RSPO3: variants seen among roughly 807,000 people sequenced by gnomAD.
The protein encoded by RSPO3 is R-spondin-3.
A neutral mutation model predicts 36.5 loss-of-function variants in RSPO3; 17 were observed. The observed-to-expected ratio is 0.47, with a 90% CI of 0.32 to 0.70. The LOEUF is 0.70. RSPO3 is among the 30% of genes least tolerant of loss of function. RSPO3 has a pLI of 0.04. For missense variants in RSPO3, 294 were observed against 322.5 expected, an observed-to-expected ratio of 0.91 and a Z score of 0.68; for synonymous variants, 108 against 107.0, an observed-to-expected ratio of 1.01 and a Z score of -0.06.
At chr6:127,138,156 C>T (rs1253661894) in intron 1 of RSPO3, among the ~76,000 whole-genome samples, 1 of 151,972 alleles carries the variant, frequency 6.6e-6, no homozygotes, top group Non-Finnish European at 1.5e-5. Flanking sequence ...ACAAGTAATC[C>T]AGGCCATTTT....
intron 4 of RSPO3, among the ~76,000 whole-genome samples, chr6:127,182,079 A>T (rs1775200050): frequency 6.6e-6 from 1 of 151,766 alleles, no homozygotes; most frequent in African/African-American, 2.4e-5. Context: ...AGAGTGTGTG[A>T]GAGAATGGAG....
chr6:127,150,715 C>T (rs899348764), intron 3 of RSPO3, 143 bp downstream of exon 3: 2 of 706,540 alleles, frequency 2.8e-6, no homozygotes, highest in Non-Finnish European at 2.2e-6. Context: ...TACAAAGATA[C>T]TCTCTTAAAG....
At chr6:127,144,969 CAT>C (rs1447710455) in intron 1 of RSPO3, among the ~76,000 whole-genome samples, 1 of 152,058 alleles carries the variant, frequency 6.6e-6, no homozygotes, top group Non-Finnish European at 1.5e-5. Flanking sequence ...ATCAGAGACT[CAT>C]GTGTGCATCT....
At chr6:127,122,073 T>C (rs1338501235) in intron 1 of RSPO3, among the ~76,000 whole-genome samples, 1 of 152,240 alleles carries the variant, frequency 6.6e-6, no homozygotes, top group East Asian at 1.9e-4. Context: ...GTGTTAAATA[T>C]TGTCATGTCC....
chr6:127,142,449 T>A (rs1366583400), intron 1 of RSPO3, among the ~76,000 whole-genome samples: 5 of 152,172 alleles, frequency 3.3e-5, no homozygotes, highest in Non-Finnish European at 7.3e-5. Flanking sequence ...TCGGGAAACA[T>A]CTCTTAATTT....
At chr6:127,143,461 T>C (rs1460319132) in intron 1 of RSPO3, among the ~76,000 whole-genome samples, 1 of 152,228 alleles carries the variant, frequency 6.6e-6, no homozygotes, top group African/African-American at 2.4e-5. Context: ...CAGACAAGTA[T>C]GCTTTGGAGA....
chr6:127,154,064 G>A (rs1412257543), intron 3 of RSPO3, among the ~76,000 whole-genome samples: 1 of 152,106 alleles, frequency 6.6e-6, no homozygotes, highest in Non-Finnish European at 1.5e-5. Context: ...GTTGCACTCA[G>A]GGACCTGAAA....
chr6:127,194,138 G>A (rs1775467088), intron 4 of RSPO3, among the ~76,000 whole-genome samples: 1 of 152,120 alleles, frequency 6.6e-6, no homozygotes, highest in Non-Finnish European at 1.5e-5. Context: ...GACCGTATTG[G>A]CGTAGTATAC....
intron 3 of RSPO3, among the ~76,000 whole-genome samples, chr6:127,153,092 C>T (rs1046972144): frequency 6.6e-5 from 10 of 152,228 alleles, no homozygotes; most frequent in African/African-American, 2.4e-4. Flanking sequence ...AACCACAGCA[C>T]AATCATTCCC....
intron 1 of RSPO3, among the ~76,000 whole-genome samples, chr6:127,145,236 T>C (rs562780064): frequency 1.2e-4 from 18 of 152,166 alleles, no homozygotes; most frequent in Non-Finnish European, 2.5e-4. Context: ...GGCCACTATA[T>C]TTGGTTGGTA....
At position 127,168,080 on chromosome 6, in the gene RSPO3, T is replaced by C. The variant is rs375537419; in HGVS notation, c.634+12642T>C. ...ATAAACATACATGTGAATATGTCTT[T>C]ATAGCAGCATGATGTATAATCCTTT... On this transcript the variant is annotated intron_variant, in intron 4 of 4. Transcript: ENST00000356698. Among the ~76,000 whole-genome samples the C allele has an allele frequency of 5.3e-5, 8 of 152,186 alleles. No homozygotes were observed. The East Asian group carries it at 1.4e-3, about 26-fold the overall frequency.
In RSPO3 at chr6:127,145,389, GA is replaced by G. The variant is rs1049529202; in HGVS notation, c.98-3256del. Among the ~76,000 whole-genome samples the G allele has an allele frequency of 1.4e-4, 22 of 152,180 alleles. 1 individual carries two copies. Among genetic ancestry groups the G allele is most frequent in the African/African-American group, 4.8e-4 (20 of 41,522 alleles). ...TTTGCATGCCTGCCACACTGCCAGG[GA>G]AATTTCCTTTCCAATTCAAATCTTA... On this transcript the variant is annotated intron_variant, in intron 1 of 4. Transcript: ENST00000356698.
At chr6:127,161,226 C>T (rs1232656942) in intron 4 of RSPO3, among the ~76,000 whole-genome samples, 1 of 151,934 alleles carries the variant, frequency 6.6e-6, no homozygotes, top group Non-Finnish European at 1.5e-5. Flanking sequence ...AATTGACTCC[C>T]CTGTGTCATA....
At chr6:127,126,914 C>G (rs1229646581) in intron 1 of RSPO3, among the ~76,000 whole-genome samples, 1 of 152,028 alleles carries the variant, frequency 6.6e-6, no homozygotes, top group African/African-American at 2.4e-5. Flanking sequence ...GTATCCAAAG[C>G]AGTTTATTCT....
chr6:127,197,292 G>T lies in RSPO3; in HGVS notation c.*1285G>T. 6 of 1,071,886 alleles carry T rather than the reference G, an allele frequency of 5.6e-6. No homozygotes were observed. The highest frequency in any genetic ancestry group is 2.7e-5 in the Admixed American group (1 of 37,526). The allele number at this position is 1,071,886 out of a possible 1,614,324, so 66.4% of individuals were successfully genotyped here. A position where few individuals can be genotyped will look rare whatever the true frequency, so the allele number is the denominator to read the frequency against. ...TCAACATTCTAATTATAGACACATG[G>T]GCCTCCCTAGCTGATTTCACTGCTC... On this transcript the variant is annotated 3_prime_UTR_variant, in exon 5 of 5. Coordinates refer to ENST00000356698, the MANE Select transcript of RSPO3 (RefSeq NM_032784.5).
chr6:127,197,385 GT>G lies in RSPO3; in HGVS notation c.*1379del. On this transcript the variant is annotated 3_prime_UTR_variant, in exon 5 of 5. Transcript: ENST00000356698. ...GATCCCCCTGCATCTTCAACATTTA[GT>G]CTTTTCTTCTCCATATTTTCTATCT... is the stretch of plus-strand genomic sequence containing the variant. 5.2e-6 allele frequency: 8 copies of G among 1,549,014 alleles called. No individual in the cohort carries two copies. The highest frequency in any genetic ancestry group is 6.1e-6 in the Non-Finnish European group (7 of 1,146,364).
chr6:127,190,465 T>C (rs1179615357), intron 4 of RSPO3, among the ~76,000 whole-genome samples: 1 of 152,036 alleles, frequency 6.6e-6, no homozygotes, highest in Non-Finnish European at 1.5e-5. Flanking sequence ...GAACAAAAGC[T>C]GGAATTTTCA....
rs1775531191 is a variant in RSPO3 at position 127,197,174 on chromosome 6, G to GT, written c.*1168dup. ...AATTCAGAATATATTACATTTCTCA[G>GT]TAATATTTGTTTTTTGAATCCACCT... On this transcript the variant is annotated 3_prime_UTR_variant, in exon 5 of 5. Coordinates refer to ENST00000356698, the MANE Select transcript of RSPO3 (RefSeq NM_032784.5). 2 of 411,436 alleles carry GT rather than the reference G, an allele frequency of 4.9e-6. No homozygotes were observed. Among genetic ancestry groups the GT allele is most frequent in the African/African-American group, 2.0e-5 (1 of 50,146 alleles). 25.5% of individuals were successfully genotyped at this position (411,436 alleles called of 1,614,324 possible). A position where few individuals can be genotyped will look rare whatever the true frequency, so the allele number is the denominator to read the frequency against.
rs940581869 is a variant in RSPO3 at position 127,196,207 on chromosome 6, G to A, written c.*200G>A. ...AAAGATCAAAGAAGGGATACTTTCA[G>A]ATGGTTGTCTTGTGTGCTTCTCTGC... On this transcript the variant is annotated 3_prime_UTR_variant, in exon 5 of 5. Coordinates refer to ENST00000356698, the MANE Select transcript of RSPO3 (RefSeq NM_032784.5). The A allele has an allele frequency of 1.1e-5, 4 of 370,068 alleles. No individual in the cohort carries two copies. Among genetic ancestry groups the A allele is most frequent in the African/African-American group, 2.1e-5 (1 of 48,344 alleles). 22.9% of individuals were successfully genotyped at this position (370,068 alleles called of 1,614,324 possible). A position where few individuals can be genotyped will look rare whatever the true frequency, so the allele number is the denominator to read the frequency against.
Sources: gnomAD v4.1 joint callset for allele counts (sites outside exome capture counted in the v4.1 genomes callset) on GRCh38, gnomAD v4.1.1 for gene constraint, MANE v1.5 for transcripts, NCBI Gene and HGNC (gene_info 2026-07-23, HGNC 2026-07-21) for gene names.